The following LARP1B variants were observed in gnomAD, a reference collection of about 807,000 sequenced individuals.
LARP1B encodes the protein La ribonucleoprotein 1B, also known as la-related protein 1B.
In LARP1B, 76 loss-of-function variants were observed where a neutral mutation model predicts 114.2. The observed-to-expected ratio is 0.67, with a 90% CI of 0.55 to 0.81. The LOEUF (loss-of-function observed/expected upper bound fraction) is 0.81. Ranked by LOEUF, LARP1B falls within the 30% of genes least tolerant of loss-of-function variation. The pLI, the probability that LARP1B is intolerant of heterozygous loss-of-function variation, is 0.00. For synonymous variants in LARP1B, 345 were observed against 348.0 expected (o/e 0.99, Z 0.10); for missense variants, 1,014 against 1,075.8 (o/e 0.94, Z 0.80).
At chr4:128,142,695 A>C (rs547536947) in intron 11 of LARP1B, among the ~76,000 whole-genome samples, 1 of 151,778 alleles carries the variant, frequency 6.6e-6, no homozygotes, top group East Asian at 2.0e-4. Flanking sequence ...TTTAGTAGAG[A>C]CGGGGTTTCT....
chr4:128,064,062 A>G (rs367652351), intron 1 of LARP1B, among the ~76,000 whole-genome samples: 2 of 152,094 alleles, frequency 1.3e-5, no homozygotes, highest in African/African-American at 4.8e-5. Context: ...ACCTGAGGTC[A>G]GGAGTTCGAG....
At chr4:128,160,610 A>G (rs1581151179) in intron 11 of LARP1B, among the ~76,000 whole-genome samples, 1 of 152,210 alleles carries the variant, frequency 6.6e-6, no homozygotes, top group East Asian at 1.9e-4. Context: ...TGTTTCCATC[A>G]GGGTAGAATT....
At chr4:128,180,013 T>C (rs1327700405) in intron 15 of LARP1B, among the ~76,000 whole-genome samples, 1 of 152,166 alleles carries the variant, frequency 6.6e-6, no homozygotes, top group East Asian at 1.9e-4. Flanking sequence ...AGAAGAAGTC[T>C]AGAGCAAATC....
intron 15 of LARP1B, among the ~76,000 whole-genome samples, chr4:128,194,848 C>G (rs1203801787): frequency 3.3e-5 from 5 of 151,506 alleles, no homozygotes; most frequent in Admixed American, 6.6e-5. Flanking sequence ...ACCTGGGCAA[C>G]TGAGTGAGAC....
At position 128,107,480 on chromosome 4, in the gene LARP1B, A is replaced by G. The variant is rs559433133; in HGVS notation, c.988+167A>G. Reference sequence around the variant, plus strand: ...TTCATATTGCCTCACTCACAGAGTTACAAATTAAATAAGGATTTAAGAATT... The same window carrying G: ...TTCATATTGCCTCACTCACAGAGTTGCAAATTAAATAAGGATTTAAGAATT... On this transcript the variant is annotated intron_variant, in intron 9 of 19. Transcript: ENST00000326639. 9.7e-6 allele frequency: 14 copies of G among 1,437,796 alleles called. No individual in the cohort carries two copies. The African/African-American group carries it at 1.6e-4, about 16-fold the overall frequency. The allele number at this position is 1,437,796 out of a possible 1,614,324, so 89.1% of individuals were successfully genotyped here. A position where few individuals can be genotyped will look rare whatever the true frequency, so the allele number is the denominator to read the frequency against.
rs527868687 is a variant in LARP1B at position 128,090,369 on chromosome 4, G to A, written c.359-632G>A. Among the ~76,000 whole-genome samples the A allele has an allele frequency of 6.6e-5, 10 of 152,222 alleles. No homozygotes were observed. The East Asian group carries it at 1.9e-3, about 29-fold the overall frequency. ...ATTGCCGGCCTGAGCCACCGCGCCC[G>A]GCCTTGTATGATTATTGACCCATTG... is the stretch of plus-strand genomic sequence containing the variant. On this transcript the variant is annotated intron_variant, in intron 5 of 19. Coordinates refer to ENST00000326639, the MANE Select transcript of LARP1B (RefSeq NM_018078.4).
At position 128,172,437 on chromosome 4, in the gene LARP1B, A is replaced by T. The variant is rs112656248; in HGVS notation, c.1649-4435A>T. Among the ~76,000 whole-genome samples the T allele has an allele frequency of 5.4e-3, 828 of 152,364 alleles. 9 individuals carry two copies. The highest frequency in any genetic ancestry group is 0.019 in the African/African-American group (787 of 41,586). The stretch of plus-strand genomic sequence containing the variant: ...GCTGGGTGTGGCAGCTCATGCCTAT[A>T]ATCCCAGCACTTTGGGAGGCCAAGG... On this transcript the variant is annotated intron_variant, in intron 12 of 19. Coordinates refer to ENST00000326639, the MANE Select transcript of LARP1B (RefSeq NM_018078.4).
Position 128,107,125 on chromosome 4 carries a change from A to AT in LARP1B, c.814-11dup. ...AATAGCTCATAATTTTAATAGCTCA[A>AT]TTTCTGTTAATAGGCACTGAAGGAT... On this transcript the variant is annotated splice_polypyrimidine_tract_variant and intron_variant, in intron 8 of 19. Coordinates refer to ENST00000326639, the MANE Select transcript of LARP1B (RefSeq NM_018078.4). 1 of 1,606,410 alleles carries AT rather than the reference A, an allele frequency of 6.2e-7. No homozygotes were observed. The highest frequency in any genetic ancestry group is 1.3e-5 in the African/African-American group (1 of 74,766).
intron 11 of LARP1B, chr4:128,123,675 GTAAA>G: frequency 1.2e-6 from 1 of 847,736 alleles, no homozygotes; most frequent in Non-Finnish European, 1.4e-6. Flanking sequence ...ATGTTTGTGG[GTAAA>G]TAAATTATGG....
intron 1 of LARP1B, among the ~76,000 whole-genome samples, chr4:128,073,671 A>C (rs1766612063): frequency 8.3e-6 from 1 of 120,864 alleles, no homozygotes; most frequent in South Asian, 2.8e-4. Flanking sequence ...GCTCACTGCA[A>C]CCTCCACCTC....
rs1054156036 is a variant in LARP1B at position 128,155,919 on chromosome 4, A to C, written c.1525-6275A>C. The C allele has an allele frequency of 7.8e-6, 12 of 1,544,054 alleles. No individual in the cohort carries two copies. The African/African-American group carries it at 1.6e-4, about 21-fold the overall frequency. On this transcript the variant is annotated intron_variant, in intron 11 of 19. Transcript: ENST00000326639. Reference sequence around the variant, plus strand: ...GACCCATCTGCAAAATCCCCGAAGGAGCCAAGGAGGGGTACACAGGCGGTA... The same window carrying C: ...GACCCATCTGCAAAATCCCCGAAGGCGCCAAGGAGGGGTACACAGGCGGTA...
intron 12 of LARP1B, among the ~76,000 whole-genome samples, chr4:128,176,202 AT>A (rs1025350566): frequency 2.1e-5 from 3 of 144,226 alleles, no homozygotes; most frequent in African/African-American, 7.6e-5. Flanking sequence ...ATTTTTATAT[AT>A]TATATATTTA....
At position 128,199,425 on chromosome 4, in the gene LARP1B, C is replaced by G; in HGVS notation, c.2004-14C>G. 6.8e-7 allele frequency: 1 copy of G among 1,473,052 alleles called. No homozygotes were observed. Among genetic ancestry groups the G allele is most frequent in the Non-Finnish European group, 9.0e-7 (1 of 1,105,842 alleles). 91.2% of individuals were successfully genotyped at this position (1,473,052 alleles called of 1,614,324 possible). The stretch of plus-strand genomic sequence containing the variant: ...TTTTTCATTTTGAAGGCTTTTTTCC[C>G]CTTTCTCAAACAGCACTTCAAATGC... On this transcript the variant is annotated splice_polypyrimidine_tract_variant and intron_variant, in intron 15 of 19. Transcript: ENST00000326639.
chr4:128,201,880 A>G (rs1756058368), intron 17 of LARP1B, among the ~76,000 whole-genome samples: 1 of 152,128 alleles, frequency 6.6e-6, no homozygotes, highest in Non-Finnish European at 1.5e-5. Flanking sequence ...ACCTAAACTT[A>G]CCCTTCTTTA....
chr4:128,097,091 T>C (rs1387602446), intron 7 of LARP1B, among the ~76,000 whole-genome samples: 2 of 151,198 alleles, frequency 1.3e-5, no homozygotes, highest in African/African-American at 4.9e-5. Context: ...AGAGATGGGG[T>C]TTCCCCATAT....
chr4:128,075,225 C>T (rs1246522150), intron 3 of LARP1B, among the ~76,000 whole-genome samples: 1 of 151,890 alleles, frequency 6.6e-6, no homozygotes, highest in Non-Finnish European at 1.5e-5. Flanking sequence ...CCTCGACCTC[C>T]AGAGTAGCTG....
chr4:128,115,624 T>G (rs550391910), intron 10 of LARP1B, among the ~76,000 whole-genome samples: 1 of 152,302 alleles, frequency 6.6e-6, no homozygotes, highest in Non-Finnish European at 1.5e-5. Context: ...TTAACTTGAA[T>G]AATATTTCAG....
At chr4:128,121,468 C>T (rs1787964374) in intron 10 of LARP1B, among the ~76,000 whole-genome samples, 1 of 152,242 alleles carries the variant, frequency 6.6e-6, no homozygotes, top group South Asian at 2.1e-4. Context: ...TACAGCAATC[C>T]ACAACCAGAT....
At chr4:128,122,433 CCCTTGTTT>C (rs1243412376) in intron 11 of LARP1B, 14 of 1,449,042 alleles carry the variant, frequency 9.7e-6, no homozygotes, top group Non-Finnish European at 1.3e-5. Context: ...CTGACTTATA[CCCTTGTTT>C]TTTTTTTTTT....
Sources: allele counts gnomAD v4.1 joint callset (sites outside exome capture counted in the v4.1 genomes callset), GRCh38; gene constraint gnomAD v4.1.1; transcripts MANE v1.5; gene names NCBI Gene and HGNC (gene_info 2026-07-23, HGNC 2026-07-21).